Variants in KCNB2 observed in about 807,000 individuals in gnomAD.
The protein encoded by KCNB2 is delayed rectifier potassium channel protein.
Under a neutral mutation model 61.5 loss-of-function variants are expected in KCNB2, and 15 were observed. The observed-to-expected ratio is 0.24, with a 90% confidence interval of 0.16 to 0.38. The LOEUF is 0.38. Among genes scored for constraint, KCNB2 ranks in the 10% least tolerant of loss-of-function variants. The pLI is 1.00. For missense variants in KCNB2, 828 were observed against 1,125.2 expected, an observed-to-expected ratio of 0.74 and a Z score of 3.78; for synonymous variants, 457 against 446.0, an observed-to-expected ratio of 1.02 and a Z score of -0.31.
chr8:72,821,446 T>C (rs2958419), intron 2 of KCNB2, among the ~76,000 whole-genome samples: 11,723 of 152,116 alleles, frequency 0.077, 1,092 homozygotes, highest in East Asian at 0.5. Flanking sequence ...CAGATGGCCT[T>C]GGATGATGCT....
At chr8:72,579,533 C>G (rs756035159) in intron 2 of KCNB2, among the ~76,000 whole-genome samples, 2 of 152,146 alleles carry the variant, frequency 1.3e-5, no homozygotes, top group African/African-American at 4.8e-5. Context: ...TTTCCTCTCC[C>G]TTTGAGAGAA....
At chr8:72,933,391 G>A (rs1344326480) in intron 2 of KCNB2, among the ~76,000 whole-genome samples, 3 of 152,206 alleles carry the variant, frequency 2.0e-5, no homozygotes, top group Non-Finnish European at 4.4e-5. Context: ...CAATAGAATG[G>A]ATTCATTTGC....
intron 2 of KCNB2, among the ~76,000 whole-genome samples, chr8:72,663,114 T>C (rs1056804113): frequency 2.0e-5 from 3 of 152,148 alleles, no homozygotes; most frequent in African/African-American, 7.2e-5. Context: ...GGTTAGCTCA[T>C]AACAACATTA....
chr8:72,815,173 G>A (rs149454261), intron 2 of KCNB2, among the ~76,000 whole-genome samples: 22 of 152,182 alleles, frequency 1.4e-4, no homozygotes, highest in East Asian at 9.7e-4. Flanking sequence ...AATACTAAGC[G>A]CATCCTCCTT....
At chr8:72,922,976 G>A (rs1806552949) in intron 2 of KCNB2, among the ~76,000 whole-genome samples, 1 of 148,244 alleles carries the variant, frequency 6.7e-6, no homozygotes, top group African/African-American at 2.5e-5. Flanking sequence ...TATGTAAGAT[G>A]TACATTGGTT....
chr8:72,734,808 C>A (rs1807811538), intron 2 of KCNB2, among the ~76,000 whole-genome samples: 1 of 152,182 alleles, frequency 6.6e-6, no homozygotes, highest in African/African-American at 2.4e-5. Context: ...TTTTCGACAG[C>A]TTCAGATAAA....
At chr8:72,593,640 G>A (rs938924966) in intron 2 of KCNB2, among the ~76,000 whole-genome samples, 2 of 152,180 alleles carry the variant, frequency 1.3e-5, no homozygotes, top group African/African-American at 4.8e-5. Flanking sequence ...TCCTTTAGGA[G>A]GCTGTGTCAG....
At chr8:72,818,389 G>T (rs557350289) in intron 2 of KCNB2, among the ~76,000 whole-genome samples, 35 of 152,208 alleles carry the variant, frequency 2.3e-4, no homozygotes, top group Middle Eastern at 3.4e-3. Flanking sequence ...TATGTAATAG[G>T]CAGCAAAGAA....
rs1018279607 is a variant in KCNB2, at chr8:72,856,005, C to G, written c.580-79930C>G. Among the ~76,000 whole-genome samples the G allele has an allele frequency of 3.3e-5, 5 of 152,198 alleles. No homozygotes were observed. In the East Asian group the frequency reaches 9.6e-4, roughly 29 times the overall value. ...TTACAGTGAATCGTTTAGAGAATAA[C>G]AAGAAAACAAGTCTGTGCATATTCA... On this transcript the variant is annotated intron_variant, in intron 2 of 2. Transcript: ENST00000523207.
intron 2 of KCNB2, among the ~76,000 whole-genome samples, chr8:72,796,777 A>G (rs1011238859): frequency 6.6e-6 from 1 of 152,218 alleles, no homozygotes; most frequent in Non-Finnish European, 1.5e-5. Flanking sequence ...TCGATCTTAT[A>G]GTAGCTAAAA....
At chr8:72,553,141 T>C (rs1186450250) in intron 1 of KCNB2, among the ~76,000 whole-genome samples, 2 of 152,170 alleles carry the variant, frequency 1.3e-5, no homozygotes, top group African/African-American at 4.8e-5. Context: ...GAAATGATGA[T>C]AGCTCTTGGC....
At chr8:72,592,424 A>T (rs1456270833) in intron 2 of KCNB2, among the ~76,000 whole-genome samples, 1 of 151,324 alleles carries the variant, frequency 6.6e-6, no homozygotes, top group East Asian at 1.9e-4. Flanking sequence ...AAAACAGAAA[A>T]ATGATTTAAG....
At chr8:72,803,513 C>CAT (rs1383730090) in intron 2 of KCNB2, among the ~76,000 whole-genome samples, 6 of 152,194 alleles carry the variant, frequency 3.9e-5, no homozygotes, top group Non-Finnish European at 8.8e-5. Flanking sequence ...AGTACTTTCA[C>CAT]ATACCCATGG....
chr8:72,609,021 T>G (rs1252006363), intron 2 of KCNB2, among the ~76,000 whole-genome samples: 1 of 152,112 alleles, frequency 6.6e-6, no homozygotes, highest in Non-Finnish European at 1.5e-5. Flanking sequence ...TAGGCACAAG[T>G]GATGTAGTGG....
intron 2 of KCNB2, among the ~76,000 whole-genome samples, chr8:72,744,100 G>A (rs1808015805): frequency 6.6e-6 from 1 of 152,030 alleles, no homozygotes; most frequent in South Asian, 2.1e-4. Flanking sequence ...ATTTTGTTGA[G>A]ACGGTTGAAA....
chr8:72,688,488 C>T (rs1806890623), intron 2 of KCNB2, among the ~76,000 whole-genome samples: 1 of 152,104 alleles, frequency 6.6e-6, no homozygotes, highest in Non-Finnish European at 1.5e-5. Flanking sequence ...CAATACCCTA[C>T]ACCTGCCTTC....
At chr8:72,821,580 G>C (rs1563395003) in intron 2 of KCNB2, among the ~76,000 whole-genome samples, 2 of 139,350 alleles carry the variant, frequency 1.4e-5, no homozygotes, top group Admixed American at 1.6e-4. Context: ...TTTGAAGCTA[G>C]TGATCTGTTT....
At position 72,567,632 on chromosome 8, in the gene KCNB2, T is replaced by C. The variant is rs574536977; in HGVS notation, c.-93-10T>C. 5.3e-5 allele frequency: 40 copies of C among 750,674 alleles called. No homozygotes were observed. In the South Asian group the frequency reaches 6.1e-4, roughly 11 times the overall value. The allele number at this position is 750,674 out of a possible 1,614,324, so 46.5% of individuals were successfully genotyped here. A position where few individuals can be genotyped will look rare whatever the true frequency, so the allele number is the denominator to read the frequency against. On this transcript the variant is annotated splice_polypyrimidine_tract_variant and intron_variant, in intron 1 of 2. Coordinates refer to ENST00000523207, the MANE Select transcript of KCNB2 (RefSeq NM_004770.3). ...ATGCAAGTAACCAAGTGATTGTTGCTTTCTTCCAGCTTTGTCAGTGGAAAT... is the reference window on the plus strand; with the variant it reads ...ATGCAAGTAACCAAGTGATTGTTGCCTTCTTCCAGCTTTGTCAGTGGAAAT...
chr8:72,645,295 A>G (rs1806112342), intron 2 of KCNB2, among the ~76,000 whole-genome samples: 2 of 152,192 alleles, frequency 1.3e-5, no homozygotes, highest in Non-Finnish European at 2.9e-5. Flanking sequence ...ACCGCTTGTC[A>G]TTTTACAGGC....
Sources: gnomAD v4.1 joint callset for allele counts (sites outside exome capture counted in the v4.1 genomes callset) on GRCh38, gnomAD v4.1.1 for gene constraint, MANE v1.5 for transcripts, NCBI Gene and HGNC (gene_info 2026-07-23, HGNC 2026-07-21) for gene names.